The following CLUH variants were observed in gnomAD, a reference collection of about 807,000 sequenced individuals.
CLUH encodes the protein clustered mitochondria protein homolog.
In CLUH, 77 loss-of-function variants were observed where a neutral mutation model predicts 139.3. The observed-to-expected ratio is 0.55, with a 90% CI of 0.46 to 0.67. The LOEUF (loss-of-function observed/expected upper bound fraction) is 0.67, where lower values mean the gene tolerates loss of function less well. Among genes scored for constraint, CLUH ranks in the 30% least tolerant of loss-of-function variants. The pLI is 0.00. For synonymous variants in CLUH, 999 were observed against 801.6 expected (o/e 1.25, Z -4.16); for missense variants, 1,876 against 1,875.8 (o/e 1.00, Z 0.00).
intron 16 of CLUH, 117 bp from the exon 17 acceptor site, chr17:2,694,681 C>G: frequency 3.0e-6 from 4 of 1,327,102 alleles, no homozygotes; most frequent in Non-Finnish European, 3.1e-6. Flanking sequence ...CCACCCGGCC[C>G]CCGGGAGCCT....
intron 13 of CLUH, 61 bp downstream of exon 13, chr17:2,696,098 A>G (rs2069930209): frequency 7.5e-7 from 1 of 1,341,248 alleles, no homozygotes; most frequent in South Asian, 1.3e-5. Context: ...CAAGTCGGAG[A>G]CAGATGAGGG....
intron 3 of CLUH, 106 bp from the exon 4 acceptor site, chr17:2,702,163 T>G (rs1260323987): frequency 7.2e-7 from 1 of 1,389,178 alleles, no homozygotes; most frequent in Non-Finnish European, 9.6e-7. Context: ...GGTTTTAATT[T>G]TCAACTTTAG....
rs757692331 is a variant in CLUH at position 2,694,958 on chromosome 17, C to G, written c.2751G>C (p.Pro917=). ...KRNKRRKNRP[P]GAADNTAWAV... is the part of the protein sequence containing the mutation. ...CCCAGGCTGTGTTATCTGCAGCCCC[C>G]GGGGGCCGGTTTTTCCTCCTCTTAT... Residue 917 remains proline, a synonymous_variant, in exon 16 of 26, where the codon CCG becomes CCC. Transcript: ENST00000651024. The G allele has an allele frequency of 7.4e-6, 12 of 1,612,206 alleles. No homozygotes were observed. The highest frequency in any genetic ancestry group is 5.5e-5 in the South Asian group (5 of 90,812).
Position 2,695,041 on chromosome 17 carries a change from A to C in CLUH, c.2668T>G (p.Ser890Ala). The C allele has an allele frequency of 6.2e-7, 1 of 1,613,316 alleles. No individual in the cohort carries two copies. Among genetic ancestry groups the C allele is most frequent in the Non-Finnish European group, 8.5e-7 (1 of 1,179,706 alleles). ...AGGTGGGCCACGGGGTTTGGGTAGGAGCTCAGGAAGCAGTTCAGGAAGTGG... is the reference window on the plus strand; with the variant it reads ...AGGTGGGCCACGGGGTTTGGGTAGGCGCTCAGGAAGCAGTTCAGGAAGTGG... The part of the protein sequence containing the change: ...ISHFLNCFLS[S>A]YPNPVAHLPA... Residue 890 changes from serine to alanine, a missense_variant, in exon 16 of 26, where the codon TCC (serine) becomes GCC (alanine). Physicochemically the swap from Ser to Ala is moderately conservative, Grantham distance 99. Around this residue, in one of 3 missense-constraint regions of CLUH, gnomAD observed 1,454 missense variants for 1,384.4 expected, o/e 1.05. Coordinates refer to ENST00000651024, the MANE Select transcript of CLUH (RefSeq NM_001366661.1).
chr17:2,694,356 C>T (rs373842978), intron 17 of CLUH, 80 bp from the exon 18 acceptor site: 93 of 1,523,166 alleles, frequency 6.1e-5, no homozygotes, highest in African/African-American at 2.6e-4. Flanking sequence ...CCAACGCTTG[C>T]GCACAGACGG....
rs753276441 is a variant in CLUH at position 2,696,532 on chromosome 17, G to A, written c.2192C>T (p.Pro731Leu). 5 of 1,569,672 alleles carry A rather than the reference G, an allele frequency of 3.2e-6. No individual in the cohort carries two copies. The highest frequency in any genetic ancestry group is 4.3e-6 in the Non-Finnish European group (5 of 1,161,620). The change falls in exon 12 of 26, where the codon CCT becomes CTT. Residue 731 changes from proline (P) to leucine (L), a missense_variant. Pro to Leu is a moderately conservative substitution (Grantham distance 98). Transcript: ENST00000651024. ...TIAADDGTAD[P>L]RSREVIRNAC... is the part of the protein sequence containing the mutation. ...GTTGCGGATCACCTCCCGGCTCCGAGGGTCTGCTGTGGAGACATGGCTCCA... is the reference window on the plus strand; with the variant it reads ...GTTGCGGATCACCTCCCGGCTCCGAAGGTCTGCTGTGGAGACATGGCTCCA...
intron 22 of CLUH, 61 bp downstream of exon 22, chr17:2,692,299 GC>G: frequency 1.4e-6 from 2 of 1,477,238 alleles, no homozygotes; most frequent in Non-Finnish European, 1.8e-6. Context: ...TCTCTTCCCC[GC>G]CCCCGCCGGC....
chr17:2,698,614 G>A (rs1242251545), intron 9 of CLUH, 24 bp from the exon 10 acceptor site: 7 of 1,551,786 alleles, frequency 4.5e-6, no homozygotes, highest in Admixed American at 1.9e-5. Context: ...AGGAGGGCAG[G>A]GTTAGAGGCC....
intron 12 of CLUH, 45 bp from the exon 13 acceptor site, chr17:2,696,304 C>T: frequency 6.5e-7 from 1 of 1,533,836 alleles, no homozygotes; most frequent in Admixed American, 2.0e-5. Flanking sequence ...AGTGGCAAGA[C>T]AAATGCCGCC....
In CLUH at chr17:2,701,171, T is replaced by G; in HGVS notation, c.994A>C (p.Lys332Gln). ...ELLNQISPTF[K>Q]KNFAVLQKKR... is the part of the protein sequence containing the mutation. ...TTCTGCAGCACAGCGAAGTTCTTCT[T>G]GAAGGTCGGGCTGATCTGGTTGAGC... The change falls in exon 7 of 26, where the codon AAG (lysine) becomes CAG (glutamine). Residue 332 changes from lysine to glutamine, a missense_variant. Lys to Gln is a moderately conservative substitution (Grantham distance 53). Transcript: ENST00000651024. 1 of 1,613,946 alleles carries G rather than the reference T, an allele frequency of 6.2e-7. No individual in the cohort carries two copies. The highest frequency in any genetic ancestry group is 8.5e-7 in the Non-Finnish European group (1 of 1,179,876).
Position 2,701,755 on chromosome 17 carries a change from G to T in CLUH, c.620-18C>A, listed in dbSNP as rs775775359. ...CCCGCTGTCTGAGGGACCCGAGGCTGGTGGTCAGCACAGGGCCACCCAGGG... is the reference window on the plus strand; with the variant it reads ...CCCGCTGTCTGAGGGACCCGAGGCTTGTGGTCAGCACAGGGCCACCCAGGG... On this transcript the variant is annotated intron_variant, in intron 4 of 25. Transcript: ENST00000651024. 1 of 1,556,524 alleles carries T rather than the reference G, an allele frequency of 6.4e-7. No individual in the cohort carries two copies. The highest frequency in any genetic ancestry group is 8.7e-7 in the Non-Finnish European group (1 of 1,151,770).
In CLUH at chr17:2,707,966, G is replaced by T. The variant is rs941627912; in HGVS notation, c.101-3402C>A. 1.2e-5 allele frequency: 12 copies of T among 985,302 alleles called. No individual in the cohort carries two copies. In the East Asian group the frequency reaches 1.1e-3, roughly 93 times the overall value. The allele number at this position is 985,302 out of a possible 1,614,324, so 61.0% of individuals were successfully genotyped here. On this transcript the variant is annotated intron_variant, in intron 1 of 25. Transcript: ENST00000651024. The surrounding 1 kb of genome is among the most constrained non-coding windows in gnomAD (Gnocchi z 7.4). ...GGCCTCCAGGCTCCATCAAGAAGCTGGCAGGCTCCATCTTCCCTTCCCAGC... is the reference window on the plus strand; with the variant it reads ...GGCCTCCAGGCTCCATCAAGAAGCTTGCAGGCTCCATCTTCCCTTCCCAGC...
chr17:2,692,587 T>G lies in CLUH; in HGVS notation c.3422A>C (p.Glu1141Ala), dbSNP rs759235994. 2 of 1,611,976 alleles carry G rather than the reference T, an allele frequency of 1.2e-6. No individual in the cohort carries two copies. The stretch of plus-strand genomic sequence containing the variant: ...AGCACTCACGTCCAGCAGCGCCATC[T>G]CGGGGTGGTCTTCCCCGAACACCAG... ...MLLVFGEDHP[E>A]MALLDNNIGL... Residue 1141 changes from glutamate (E) to alanine (A), a missense_variant, in exon 21 of 26, where the codon GAG (glutamate) becomes GCG (alanine). By Grantham distance (107) the Glu-to-Ala change is moderately radical (BLOSUM62 -1). Coordinates refer to ENST00000651024, the MANE Select transcript of CLUH (RefSeq NM_001366661.1).
rs1385832036 is a variant in CLUH at position 2,690,345 on chromosome 17, C to CTGA, written c.*246_*248dup. 14 of 414,616 alleles carry CTGA rather than the reference C, an allele frequency of 3.4e-5. No homozygotes were observed. The highest frequency in any genetic ancestry group is 7.6e-5 in the South Asian group (1 of 13,196). The allele number at this position is 414,616 out of a possible 1,614,324, so 25.7% of individuals were successfully genotyped here. Reference sequence around the variant, plus strand: ...GCAACACCTGCCCCCCAGCCGGGAACTGATGGCCGCACACGCCATTCACGT... The same window carrying CTGA: ...GCAACACCTGCCCCCCAGCCGGGAACTGATGATGGCCGCACACGCCATTCACGT... On this transcript the variant is annotated 3_prime_UTR_variant, in exon 26 of 26. Coordinates refer to ENST00000651024, the MANE Select transcript of CLUH (RefSeq NM_001366661.1).
rs1373538192 is a variant in CLUH at position 2,698,464 on chromosome 17, TGAA to T, written c.1390_1392del (p.Phe464del). ...TGGTCTCGGACGTCGAAGCCCAGGCTGAAGAAGATGTTGTTCCAGATGAACATC... is the reference window on the plus strand; with the variant it reads ...TGGTCTCGGACGTCGAAGCCCAGGCTGAAGATGTTGTTCCAGATGAACATC... On this transcript the variant is annotated inframe_deletion, in exon 10 of 26. Transcript: ENST00000651024. 6.2e-6 allele frequency: 10 copies of T among 1,613,178 alleles called. No homozygotes were observed. Among genetic ancestry groups the T allele is most frequent in the East Asian group, 2.2e-5 (1 of 44,878 alleles).
At chr17:2,708,700 CACCCGCTCCCACCG>C (rs1188708352) in intron 1 of CLUH, among the ~76,000 whole-genome samples, 4 of 152,072 alleles carry the variant, frequency 2.6e-5, no homozygotes, top group Non-Finnish European at 5.9e-5. Context: ...GCGGGCTACC[CACCCGCTCCCACCG>C]ACCTGCTCCC....
chr17:2,696,218 G>T lies in CLUH; in HGVS notation c.2332C>A (p.Gln778Lys). ...GCCGCGTCCTTCAGCAGCTGCTTCT[G>T]GTCCCGAACTTCATCCTGGCAGGAC... Reference protein sequence around the residue: ...PESCQDEVRDQKQLLKDAAAF... With the variant: ...PESCQDEVRDKKQLLKDAAAF... The change falls in exon 13 of 26, where the codon CAG becomes AAG. Residue 778 changes from glutamine (Q) to lysine (K), a missense_variant. Physicochemically the swap from Gln to Lys is moderately conservative, Grantham distance 53. Coordinates refer to ENST00000651024, the MANE Select transcript of CLUH (RefSeq NM_001366661.1). The T allele has an allele frequency of 6.3e-7, 1 of 1,576,968 alleles. No homozygotes were observed. Among genetic ancestry groups the T allele is most frequent in the Non-Finnish European group, 8.6e-7 (1 of 1,161,974 alleles).
Position 2,698,567 on chromosome 17 carries a change from T to C in CLUH, c.1290A>G (p.Ala430=). ...TGACGGCCATGGCGCCCCTGGTGGCTGCCGCGGTGAAGTCGCTGTGCACCT... is the reference window on the plus strand; with the variant it reads ...TGACGGCCATGGCGCCCCTGGTGGCCGCCGCGGTGAAGTCGCTGTGCACCT... ...IFKVHSDFTA[A]ATRGAMAVID... Residue 430 remains alanine, a synonymous_variant, in exon 10 of 26, where the codon GCA becomes GCG. Transcript: ENST00000651024. 1 of 1,607,376 alleles carries C rather than the reference T, an allele frequency of 6.2e-7. No homozygotes were observed. Among genetic ancestry groups the C allele is most frequent in the South Asian group, 1.1e-5 (1 of 90,484 alleles).
chr17:2,703,507 C>A lies in CLUH; in HGVS notation c.304-18G>T. 6.2e-7 allele frequency: 1 copy of A among 1,609,186 alleles called. No homozygotes were observed. On this transcript the variant is annotated intron_variant, in intron 2 of 25. Transcript: ENST00000651024. The surrounding 1 kb of genome is among the most constrained non-coding windows in gnomAD (Gnocchi z 4.2). ...GGGGACACCTGCAGGGAGAAGGCCC[C>A]GCCCACCCCGGTGAGAGAGCACGTA...
Sources: allele counts gnomAD v4.1 joint callset (sites outside exome capture counted in the v4.1 genomes callset), GRCh38; gene constraint gnomAD v4.1.1; regional missense constraint gnomAD v4.1.1; non-coding constraint Gnocchi (gnomAD v3.1); transcripts MANE v1.5; gene names NCBI Gene and HGNC (gene_info 2026-07-23, HGNC 2026-07-21).